Variants in TNFRSF11A observed in about 807,000 individuals in gnomAD.
The protein encoded by TNFRSF11A is TNF receptor superfamily member 11a, also known as tumor necrosis factor receptor superfamily member 11A.
Under a neutral mutation model 55.7 loss-of-function variants are expected in TNFRSF11A, and 32 were observed. That is an observed-to-expected ratio of 0.57 (90% CI 0.43 to 0.77). TNFRSF11A has a LOEUF of 0.77. Among genes scored for constraint, TNFRSF11A ranks in the 30% least tolerant of loss-of-function variants. The pLI, the probability that TNFRSF11A is intolerant of heterozygous loss-of-function variation, is 0.00. For missense variants in TNFRSF11A, 753 were observed against 809.8 expected (o/e 0.93, Z 0.85); for synonymous variants, 311 against 331.0 (o/e 0.94, Z 0.65).
At chr18:62,362,708 G>A (rs1370296281) in intron 7 of TNFRSF11A, among the ~76,000 whole-genome samples, 1 of 144,818 alleles carries the variant, frequency 6.9e-6, no homozygotes, top group Non-Finnish European at 1.5e-5. Flanking sequence ...AGGATTCAAG[G>A]CATCATTAGA....
In TNFRSF11A at chr18:62,385,314, A is replaced by C; in HGVS notation, c.*280A>C. The C allele has an allele frequency of 1.4e-5, 4 of 283,322 alleles. No homozygotes were observed. Among genetic ancestry groups the C allele is most frequent in the East Asian group, 8.0e-5 (1 of 12,532 alleles). The allele number at this position is 283,322 out of a possible 1,614,324, so 17.6% of individuals were successfully genotyped here. A position where few individuals can be genotyped will look rare whatever the true frequency, so the allele number is the denominator to read the frequency against. ...CGCAGCAGTAATTTGTGGCACTATG[A>C]CAGCTATTTTTATGACTATCCTGTT... On this transcript the variant is annotated 3_prime_UTR_variant, in exon 10 of 10. Coordinates refer to ENST00000586569, the MANE Select transcript of TNFRSF11A (RefSeq NM_003839.4).
At chr18:62,329,475 G>A (rs973645961) in intron 1 of TNFRSF11A, among the ~76,000 whole-genome samples, 6 of 152,324 alleles carry the variant, frequency 3.9e-5, no homozygotes, top group South Asian at 2.1e-4. Context: ...TTCTCTGCCC[G>A]GATTGTGGGA....
chr18:62,338,354 A>C (rs1051781127), intron 1 of TNFRSF11A, among the ~76,000 whole-genome samples: 34 of 152,214 alleles, frequency 2.2e-4, no homozygotes, highest in African/African-American at 8.2e-4. Flanking sequence ...AGGGATTCAG[A>C]TACTTGTGTG....
chr18:62,373,744 G>A (rs1047810715), intron 9 of TNFRSF11A, among the ~76,000 whole-genome samples: 3 of 152,150 alleles, frequency 2.0e-5, no homozygotes, highest in Non-Finnish European at 4.4e-5. Context: ...CAGAGCACAG[G>A]TGAGCTGGTT....
chr18:62,359,856 TC>T (rs1909541402), intron 5 of TNFRSF11A, 98 bp from the exon 6 acceptor site: 1 of 1,062,450 alleles, frequency 9.4e-7, no homozygotes, highest in Non-Finnish European at 1.5e-6. Context: ...TGGGTTCCTC[TC>T]CTGAAGGAGC....
intron 1 of TNFRSF11A, among the ~76,000 whole-genome samples, chr18:62,326,200 G>C (rs550800831): frequency 1.3e-5 from 2 of 152,344 alleles, no homozygotes; most frequent in African/African-American, 2.4e-5. Context: ...AGGGCGAGTG[G>C]TGGTTTTCTT....
intron 1 of TNFRSF11A, among the ~76,000 whole-genome samples, chr18:62,330,587 A>C (rs183153936): frequency 3.9e-4 from 60 of 152,272 alleles, no homozygotes; most frequent in Admixed American, 3.3e-3. Context: ...GGCCATGATC[A>C]GTTTTGTGTA....
chr18:62,365,969 C>T (rs1910057418), intron 7 of TNFRSF11A, among the ~76,000 whole-genome samples: 1 of 152,070 alleles, frequency 6.6e-6, no homozygotes, highest in South Asian at 2.1e-4. Flanking sequence ...AGGACATTGC[C>T]ACCATGCCCG....
intron 1 of TNFRSF11A, among the ~76,000 whole-genome samples, chr18:62,334,258 T>C (rs548887349): frequency 1.2e-4 from 18 of 152,306 alleles, no homozygotes; most frequent in Admixed American, 3.3e-4. Flanking sequence ...ACAGGGTCCA[T>C]GTGCCAGTTG....
At chr18:62,358,735 A>G (rs778724486) in intron 5 of TNFRSF11A, among the ~76,000 whole-genome samples, 1 of 152,218 alleles carries the variant, frequency 6.6e-6, no homozygotes, top group Non-Finnish European at 1.5e-5. Flanking sequence ...CTGTTTATAT[A>G]AATGTTTGCA....
At chr18:62,333,699 T>G (rs2046189109) in intron 1 of TNFRSF11A, among the ~76,000 whole-genome samples, 1 of 152,100 alleles carries the variant, frequency 6.6e-6, no homozygotes, top group African/African-American at 2.4e-5. Context: ...GTAAACTGCT[T>G]GTATAGTCAA....
At position 62,325,372 on chromosome 18, in the gene TNFRSF11A, G is replaced by T; in HGVS notation, c.20G>T (p.Arg7Leu). Residue 7 changes from arginine to leucine, a missense_variant, in exon 1 of 10, where the codon CGG becomes CTG. This residue lies in a region of TNFRSF11A where 156 missense variants were observed against 155.1 expected (regional missense o/e 1.01). Coordinates refer to ENST00000586569, the MANE Select transcript of TNFRSF11A (RefSeq NM_003839.4). The surrounding 1 kb of genome is among the most constrained non-coding windows in gnomAD (Gnocchi z 4.7). Reference sequence around the variant, plus strand: ...CGCGCCATGGCCCCGCGCGCCCGGCGGCGCCGCCCGCTGTTCGCGCTGCTG... The same window carrying T: ...CGCGCCATGGCCCCGCGCGCCCGGCTGCGCCGCCCGCTGTTCGCGCTGCTG... The part of the protein sequence containing the change: MAPRAR[R>L]RRPLFALLLL... The T allele has an allele frequency of 9.5e-7, 1 of 1,054,276 alleles. No homozygotes were observed. Among genetic ancestry groups the T allele is most frequent in the South Asian group, 4.1e-5 (1 of 24,414 alleles). The allele number at this position is 1,054,276 out of a possible 1,614,324, so 65.3% of individuals were successfully genotyped here.
chr18:62,354,351 G>T, intron 3 of TNFRSF11A, 40 bp from the exon 4 acceptor site: 2 of 1,525,584 alleles, frequency 1.3e-6, no homozygotes, highest in South Asian at 2.4e-5. Flanking sequence ...TGGGCTGCCT[G>T]CCCCTCCCTG....
At chr18:62,365,889 C>T (rs1223375512) in intron 7 of TNFRSF11A, among the ~76,000 whole-genome samples, 1 of 152,142 alleles carries the variant, frequency 6.6e-6, no homozygotes, top group Non-Finnish European at 1.5e-5. Flanking sequence ...ACAATCTCAG[C>T]TCACTGCAGC....
At chr18:62,366,934 C>T (rs1302284899) in intron 8 of TNFRSF11A, among the ~76,000 whole-genome samples, 174 bp downstream of exon 8, 4 of 152,084 alleles carry the variant, frequency 2.6e-5, no homozygotes, top group Non-Finnish European at 2.9e-5. Context: ...CTGCAACCTC[C>T]ACCTCCCAGG....
rs1010503251 is a variant in TNFRSF11A, at chr18:62,386,779, C to G, written c.*1745C>G. On this transcript the variant is annotated 3_prime_UTR_variant, in exon 10 of 10. Coordinates refer to ENST00000586569, the MANE Select transcript of TNFRSF11A (RefSeq NM_003839.4). ...GGATTTTCAGTGGAGAAGCACAGGA[C>G]AGTTCTGTAATTTATGGGACTCCTT... 1 of 152,146 alleles carries G rather than the reference C, an allele frequency of 6.6e-6. No individual in the cohort carries two copies. Among genetic ancestry groups the G allele is most frequent in the Non-Finnish European group, 1.5e-5 (1 of 68,040 alleles). 9.4% of individuals were successfully genotyped at this position (152,146 alleles called of 1,614,324 possible).
At chr18:62,362,490 CAAAAA>C (rs57219485) in intron 7 of TNFRSF11A, among the ~76,000 whole-genome samples, 5 of 75,872 alleles carry the variant, frequency 6.6e-5, no homozygotes, top group African/African-American at 2.1e-4. Context: ...AACTTCATCT[CAAAAA>C]AAAAAAAAAA....
chr18:62,330,640 A>G (rs1482753865), intron 1 of TNFRSF11A, among the ~76,000 whole-genome samples: 1 of 152,096 alleles, frequency 6.6e-6, no homozygotes, highest in East Asian at 1.9e-4. Context: ...GGGGCCAGTA[A>G]GGAGCCTACT....
rs1911718308 is a variant in TNFRSF11A at position 62,386,168 on chromosome 18, T to G, written c.*1134T>G. The G allele has an allele frequency of 6.6e-6, 1 of 152,286 alleles. No homozygotes were observed. The highest frequency in any genetic ancestry group is 1.9e-4 in the East Asian group (1 of 5,174). The allele number at this position is 152,286 out of a possible 1,614,324, so 9.4% of individuals were successfully genotyped here. On this transcript the variant is annotated 3_prime_UTR_variant, in exon 10 of 10. Coordinates refer to ENST00000586569, the MANE Select transcript of TNFRSF11A (RefSeq NM_003839.4). ...TTGCTGCAGCTTGGCATTCTTCTTA[T>G]TCTAGAGGTCTCTCTGGAAAAGATG...
Sources: gnomAD v4.1 joint callset for allele counts (sites outside exome capture counted in the v4.1 genomes callset) on GRCh38, gnomAD v4.1.1 for gene constraint, gnomAD v4.1.1 regional missense constraint, Gnocchi (gnomAD v3.1) non-coding constraint, MANE v1.5 for transcripts, NCBI Gene and HGNC (gene_info 2026-07-23, HGNC 2026-07-21) for gene names.